CCDC27: variants seen among roughly 807,000 people sequenced by gnomAD.
CCDC27 encodes the protein coiled-coil domain-containing protein 27.
Under a neutral mutation model 80.3 loss-of-function variants are expected in CCDC27, and 80 were observed. The observed-to-expected ratio is 1.00, with a 90% CI of 0.83 to 1.20. The LOEUF (loss-of-function observed/expected upper bound fraction) is 1.20, where lower values mean the gene tolerates loss of function less well. Among genes scored for constraint, CCDC27 ranks in the 50% most tolerant of loss-of-function variants. The pLI is 0.00. For synonymous variants in CCDC27, 342 were observed against 334.3 expected (o/e 1.02, Z -0.25); for missense variants, 815 against 809.4 (o/e 1.01, Z -0.08).
intron 1 of CCDC27, among the ~76,000 whole-genome samples, chr1:3,753,454 G>C (rs187818763): frequency 6.6e-6 from 1 of 151,848 alleles, no homozygotes; most frequent in East Asian, 1.9e-4. Flanking sequence ...CTCCAGAGTA[G>C]CTGGGATTAC....
chr1:3,761,477 T>C lies in CCDC27; in HGVS notation c.861+47T>C. On this transcript the variant is annotated intron_variant, in intron 5 of 11. Transcript: ENST00000294600. This position sits in a 1 kb window ranked among gnomAD's most constrained non-coding sequence, Gnocchi z 5.0. ...ACAGCGCAGAGCTCTAAGACGGTTGTTTTCAAAGCGTCCAAAGCTGCTAGT... is the reference window on the plus strand; with the variant it reads ...ACAGCGCAGAGCTCTAAGACGGTTGCTTTCAAAGCGTCCAAAGCTGCTAGT... The C allele has an allele frequency of 2.5e-6, 4 of 1,589,396 alleles. No homozygotes were observed. The highest frequency in any genetic ancestry group is 3.4e-6 in the Non-Finnish European group (4 of 1,167,744).
chr1:3,758,770 G>A (rs1412632662), intron 4 of CCDC27, among the ~76,000 whole-genome samples: 5 of 151,964 alleles, frequency 3.3e-5, no homozygotes, highest in East Asian at 2.0e-4. Context: ...AATTTTTTTC[G>A]TTTTTTTGTG....
chr1:3,756,541 C>T (rs1340678864), intron 3 of CCDC27, 192 bp from the exon 4 acceptor site: 4 of 560,382 alleles, frequency 7.1e-6, no homozygotes, highest in South Asian at 2.0e-5. Flanking sequence ...GGCGCCCCAT[C>T]GTGTTCACAG....
Position 3,767,409 on chromosome 1 carries a change from G to A in CCDC27, c.1707G>A (p.Gln569=). 1 of 1,613,440 alleles carries A rather than the reference G, an allele frequency of 6.2e-7. No individual in the cohort carries two copies. Among genetic ancestry groups the A allele is most frequent in the Non-Finnish European group, 8.5e-7 (1 of 1,180,016 alleles). The change falls in exon 10 of 12, where the codon CAG becomes CAA. Residue 569 remains glutamine (Q), a synonymous_variant. Transcript: ENST00000294600. ...SKKEMIQQAE[Q]HTRVALESSQ... ...AGGAGATGATTCAGCAGGCAGAGCA[G>A]CACACCCGCGTGGCCCTGGAGAGCT...
At chr1:3,759,363 G>T (rs971527772) in intron 4 of CCDC27, among the ~76,000 whole-genome samples, 1 of 152,198 alleles carries the variant, frequency 6.6e-6, no homozygotes, top group Non-Finnish European at 1.5e-5. Context: ...GGCTGTAAGT[G>T]GTACAAGGAT....
In CCDC27 at chr1:3,755,585, G is replaced by T. The variant is rs756184696; in HGVS notation, c.553+18G>T. On this transcript the variant is annotated intron_variant, in intron 3 of 11. Transcript: ENST00000294600. ...CGTGGACGGTGAGGGAGCCCCTAGG[G>T]CCTCTGCCTGCACCTGCTGGGCCCC... 14 of 1,594,510 alleles carry T rather than the reference G, an allele frequency of 8.8e-6. No homozygotes were observed. Among genetic ancestry groups the T allele is most frequent in the Non-Finnish European group, 1.2e-5 (14 of 1,162,782 alleles).
chr1:3,756,765 G>T lies in CCDC27; in HGVS notation c.586G>T (p.Glu196Ter), dbSNP rs150537276. The change falls in exon 4 of 12, where the codon GAG becomes TAG. Residue 196 changes from glutamate (E) to a stop codon, truncating the protein, a stop_gained. Coordinates refer to ENST00000294600, the MANE Select transcript of CCDC27 (RefSeq NM_152492.3). LOFTEE classifies it high-confidence loss of function. ...CCTTCCCTTCAGTAAGAGCATCTGC[G>T]AGTTCGATTACTTGCGGAAGAGGAG... The part of the protein sequence containing the change: ...YLLPFSKSIC[E>*]FDYLRKRRKS... The T allele has an allele frequency of 2.0e-5, 33 of 1,613,956 alleles. No homozygotes were observed. Among genetic ancestry groups the T allele is most frequent in the Non-Finnish European group, 2.8e-5 (33 of 1,180,022 alleles).
Position 3,767,331 on chromosome 1 carries a change from C to T in CCDC27, c.1629C>T (p.Asp543=). 3 of 1,613,954 alleles carry T rather than the reference C, an allele frequency of 1.9e-6. No homozygotes were observed. Among genetic ancestry groups the T allele is most frequent in the Non-Finnish European group, 2.5e-6 (3 of 1,180,004 alleles). The part of the protein sequence containing the change: ...VSQLQEQVEL[D]QNHLQRWKQL... ...AGCTGCAGGAGCAGGTGGAACTGGACCAGAACCACCTGCAGAGGTGGAAGC... is the reference window on the plus strand; with the variant it reads ...AGCTGCAGGAGCAGGTGGAACTGGATCAGAACCACCTGCAGAGGTGGAAGC... The change falls in exon 10 of 12, where the codon GAC becomes GAT. Residue 543 remains aspartate, a synonymous_variant. Coordinates refer to ENST00000294600, the MANE Select transcript of CCDC27 (RefSeq NM_152492.3).
intron 6 of CCDC27, 111 bp downstream of exon 6, chr1:3,762,823 C>A: frequency 1.9e-6 from 2 of 1,074,564 alleles, no homozygotes; most frequent in Non-Finnish European, 2.6e-6. Flanking sequence ...CAGCCCTGAC[C>A]TGGGGTGCCC....
At chr1:3,754,074 G>T (rs745772584) in intron 1 of CCDC27, 44 bp from the exon 2 acceptor site, 4 of 1,604,394 alleles carry the variant, frequency 2.5e-6, no homozygotes, top group Admixed American at 3.4e-5. Context: ...CTGGCCTACA[G>T]TCAGGGGCCT....
chr1:3,762,285 G>C (rs115255243), intron 5 of CCDC27, among the ~76,000 whole-genome samples: 1,776 of 152,284 alleles, frequency 0.012, 29 homozygotes, highest in African/African-American at 0.038. Context: ...TCCTCCCCAG[G>C]CTGCTGGGTG....
chr1:3,754,575 C>A (rs761861325), intron 2 of CCDC27, among the ~76,000 whole-genome samples: 28 of 152,152 alleles, frequency 1.8e-4, no homozygotes, highest in Non-Finnish European at 3.4e-4. Flanking sequence ...CAGGAAAGAA[C>A]CCCATAAAGC....
At position 3,752,542 on chromosome 1, in the gene CCDC27, A is replaced by G. The variant is rs144851634; in HGVS notation, c.61A>G (p.Lys21Glu). The change falls in exon 1 of 12, where the codon AAG becomes GAG. Residue 21 changes from lysine (K) to glutamate (E), a missense_variant. By Grantham distance (56) the Lys-to-Glu change is moderately conservative (BLOSUM62 1). Transcript: ENST00000294600. ...QARLKRDPRE[K>E]PGLSSFRSTF... ...CAGGCTGAAGAGAGATCCACGGGAAAAGCCGGGCCTGTCCTCATTCAGGTC... is the reference window on the plus strand; with the variant it reads ...CAGGCTGAAGAGAGATCCACGGGAAGAGCCGGGCCTGTCCTCATTCAGGTC... The G allele has an allele frequency of 6.1e-5, 99 of 1,613,988 alleles. No individual in the cohort carries two copies. The highest frequency in any genetic ancestry group is 8.4e-5 in the Non-Finnish European group (99 of 1,180,042).
chr1:3,765,762 C>T (rs371373774), intron 8 of CCDC27, among the ~76,000 whole-genome samples: 152 of 152,268 alleles, frequency 1.0e-3, no homozygotes, highest in African/African-American at 3.1e-3. Context: ...CTCCAATGTT[C>T]GAGTTGACTG....
rs552792476 is a variant in CCDC27 at position 3,762,816 on chromosome 1, C to T, written c.954+104C>T. ...CAGGCCCCAAGTGTCCCTGCTGCAG[C>T]CCTGACCTGGGGTGCCCCACTCCAG... On this transcript the variant is annotated intron_variant, in intron 6 of 11. Transcript: ENST00000294600. The T allele has an allele frequency of 5.2e-6, 6 of 1,150,014 alleles. No individual in the cohort carries two copies. The South Asian group carries it at 7.6e-5, about 15-fold the overall frequency. 71.2% of individuals were successfully genotyped at this position (1,150,014 alleles called of 1,614,324 possible).
Position 3,755,460 on chromosome 1 carries a change from C to T in CCDC27, c.446C>T (p.Ser149Leu). ...TRATSMSHCGSPTEADLSGEI... is the reference protein window; with the variant it reads ...TRATSMSHCGLPTEADLSGEI... Reference sequence around the variant, plus strand: ...TGGCATCTTTAACACTCTACAGGTTCACCCACTGAGGCCGATTTGTCCGGA... The same window carrying T: ...TGGCATCTTTAACACTCTACAGGTTTACCCACTGAGGCCGATTTGTCCGGA... The change falls in exon 3 of 12, where the codon TCA becomes TTA. Residue 149 changes from serine to leucine, a missense_variant. Coordinates refer to ENST00000294600, the MANE Select transcript of CCDC27 (RefSeq NM_152492.3). The T allele has an allele frequency of 2.5e-6, 4 of 1,613,876 alleles. No individual in the cohort carries two copies. Among genetic ancestry groups the T allele is most frequent in the South Asian group, 2.2e-5 (2 of 91,076 alleles).
At chr1:3,755,665 T>G in intron 3 of CCDC27, 98 bp downstream of exon 3, 4 of 1,007,652 alleles carry the variant, frequency 4.0e-6, no homozygotes, top group Non-Finnish European at 6.2e-6. Context: ...CGGAATTCCC[T>G]CCCGGGACTG....
chr1:3,752,572 T>A lies in CCDC27; in HGVS notation c.91T>A (p.Phe31Ile), dbSNP rs748297672. Reference protein sequence around the residue: ...KPGLSSFRSTFRQQSSLGLCI... With the variant: ...KPGLSSFRSTIRQQSSLGLCI... Reference sequence around the variant, plus strand: ...GGGCCTGTCCTCATTCAGGTCCACATTCAGGCAACAAAGCTCACTTGGTCT... The same window carrying A: ...GGGCCTGTCCTCATTCAGGTCCACAATCAGGCAACAAAGCTCACTTGGTCT... The change falls in exon 1 of 12, where the codon TTC becomes ATC. Residue 31 changes from phenylalanine (F) to isoleucine (I), a missense_variant. Physicochemically the swap from Phe to Ile is conservative, Grantham distance 21. Transcript: ENST00000294600. 1 of 1,614,196 alleles carries A rather than the reference T, an allele frequency of 6.2e-7. No homozygotes were observed. Among genetic ancestry groups the A allele is most frequent in the South Asian group, 1.1e-5 (1 of 91,084 alleles).
At chr1:3,762,968 C>A in intron 6 of CCDC27, 140 bp from the exon 7 acceptor site, 1 of 1,110,784 alleles carries the variant, frequency 9.0e-7, no homozygotes, top group Non-Finnish European at 1.2e-6. Context: ...CCTTGCCAGG[C>A]AGATGCTCTC....
Sources: allele counts gnomAD v4.1 joint callset (sites outside exome capture counted in the v4.1 genomes callset), GRCh38; gene constraint gnomAD v4.1.1; non-coding constraint Gnocchi (gnomAD v3.1); transcripts MANE v1.5; gene names NCBI Gene and HGNC (gene_info 2026-07-23, HGNC 2026-07-21).